The following CTIF variants were observed in gnomAD, a reference collection of about 807,000 sequenced individuals.
CTIF encodes the protein cap binding complex dependent translation initiation factor.
Under a neutral mutation model 66.0 loss-of-function variants are expected in CTIF, and 21 were observed. The ratio of observed to expected loss-of-function variants is 0.32; its 90% CI spans 0.23 to 0.46. CTIF has a LOEUF of 0.46. CTIF is among the 20% of genes least tolerant of loss of function. The pLI, the probability that CTIF is intolerant of heterozygous loss-of-function variation, is 1.00. For missense variants in CTIF, 739 were observed against 812.7 expected, an observed-to-expected ratio of 0.91 and a Z score of 1.10; for synonymous variants, 345 against 326.4, an observed-to-expected ratio of 1.06 and a Z score of -0.62.
At chr18:48,821,275 T>G (rs2146360477) in intron 10 of CTIF, among the ~76,000 whole-genome samples, 1 of 152,368 alleles carries the variant, frequency 6.6e-6, no homozygotes, top group East Asian at 1.9e-4. Flanking sequence ...TCAGTAACGG[T>G]AGCAGCACAT....
intron 2 of CTIF, among the ~76,000 whole-genome samples, chr18:48,630,150 G>A (rs1012859160): frequency 6.6e-6 from 1 of 152,084 alleles, no homozygotes; most frequent in Non-Finnish European, 1.5e-5. Flanking sequence ...GCGTTTCTAG[G>A]CTGTATCCTC....
intron 1 of CTIF, among the ~76,000 whole-genome samples, chr18:48,546,674 G>A: frequency 6.6e-6 from 1 of 152,062 alleles, no homozygotes; most frequent in East Asian, 1.9e-4. Flanking sequence ...AAAGCCCAAG[G>A]GTTTGAGTCG....
At chr18:48,674,125 AG>A (rs2091585446) in intron 6 of CTIF, among the ~76,000 whole-genome samples, 1 of 152,238 alleles carries the variant, frequency 6.6e-6, no homozygotes, top group Non-Finnish European at 1.5e-5. Context: ...TTCATGGACA[AG>A]TGCTCTGCCC....
intron 9 of CTIF, among the ~76,000 whole-genome samples, chr18:48,786,941 C>A (rs966637280): frequency 5.9e-5 from 9 of 152,238 alleles, no homozygotes; most frequent in Non-Finnish European, 1.0e-4. Context: ...CCTCACCCCA[C>A]CATGGCAGTA....
chr18:48,708,023 A>C (rs2092180174), intron 6 of CTIF, among the ~76,000 whole-genome samples: 1 of 152,222 alleles, frequency 6.6e-6, no homozygotes, highest in South Asian at 2.1e-4. Context: ...TTCAAAGTTC[A>C]TTCATGTTGT....
At chr18:48,855,569 G>A (rs1450655439) in intron 10 of CTIF, among the ~76,000 whole-genome samples, 1 of 152,220 alleles carries the variant, frequency 6.6e-6, no homozygotes, top group South Asian at 2.1e-4. Flanking sequence ...CCGTCTCTGC[G>A]TCCAACATCT....
chr18:48,665,000 C>G lies in CTIF; in HGVS notation c.431+449C>G, dbSNP rs1200432855. 4.6e-5 allele frequency among the ~76,000 whole-genome samples: 7 copies of G among 150,954 alleles called. No homozygotes were observed. The South Asian group carries it at 6.4e-4, about 14-fold the overall frequency. On this transcript the variant is annotated intron_variant, in intron 5 of 11. Transcript: ENST00000256413. ...CGCAATCTCGGCTCACTGCAAGCTC[C>G]GCTTCCCGGGTTCACGCCATTCTCC... is the stretch of plus-strand genomic sequence containing the variant.
At chr18:48,738,159 C>T (rs1224879910) in intron 7 of CTIF, among the ~76,000 whole-genome samples, 1 of 152,232 alleles carries the variant, frequency 6.6e-6, no homozygotes, top group Admixed American at 6.5e-5. Flanking sequence ...GCCCTTCTCT[C>T]CACCCGCAGT....
chr18:48,684,445 A>T (rs2091802478), intron 6 of CTIF, among the ~76,000 whole-genome samples: 1 of 151,998 alleles, frequency 6.6e-6, no homozygotes, highest in African/African-American at 2.4e-5. Context: ...ACAGATATCT[A>T]ATCTCTAATA....
At position 48,775,177 on chromosome 18, in the gene CTIF, G is replaced by A. The variant is rs186717812; in HGVS notation, c.1371+13488G>A. Among the ~76,000 whole-genome samples, 372 of 152,242 alleles carry A rather than the reference G, an allele frequency of 2.4e-3. 2 individuals carry two copies. The highest frequency in any genetic ancestry group is 8.6e-3 in the African/African-American group (357 of 41,540). ...GGTTGACTCTGGGTGGATCTCAAGC[G>A]TGGCAGCCCTACACTTACTCTTCTG... On this transcript the variant is annotated intron_variant, in intron 9 of 11. Coordinates refer to ENST00000256413, the MANE Select transcript of CTIF (RefSeq NM_014772.3).
At chr18:48,723,890 G>A (rs1490144050) in intron 7 of CTIF, among the ~76,000 whole-genome samples, 4 of 152,160 alleles carry the variant, frequency 2.6e-5, no homozygotes, top group Admixed American at 2.0e-4. Context: ...ATTTTGGGAG[G>A]CCTTGGTTTC....
intron 2 of CTIF, among the ~76,000 whole-genome samples, chr18:48,626,664 T>G (rs1264907419): frequency 2.2e-5 from 3 of 138,196 alleles, no homozygotes; most frequent in East Asian, 3.9e-4. Context: ...TTGTTTTTTT[T>G]TTTTTTTTGA....
At chr18:48,704,703 C>T (rs771260900) in intron 6 of CTIF, among the ~76,000 whole-genome samples, 5 of 152,182 alleles carry the variant, frequency 3.3e-5, no homozygotes, top group Non-Finnish European at 7.4e-5. Flanking sequence ...TCAGTCATAT[C>T]GGACCGGGGC....
intron 2 of CTIF, among the ~76,000 whole-genome samples, chr18:48,627,170 G>T (rs1326395602): frequency 6.6e-6 from 1 of 152,146 alleles, no homozygotes; most frequent in African/African-American, 2.4e-5. Context: ...TTGTTTGGTG[G>T]TGGTTTTTAG....
intron 1 of CTIF, among the ~76,000 whole-genome samples, chr18:48,599,260 C>T (rs900177653): frequency 6.6e-6 from 1 of 152,106 alleles, no homozygotes; most frequent in African/African-American, 2.4e-5. Flanking sequence ...TGAAAGGACA[C>T]AGACTCCTCA....
chr18:48,734,274 A>G (rs1320499367), intron 7 of CTIF, among the ~76,000 whole-genome samples: 3 of 152,186 alleles, frequency 2.0e-5, no homozygotes, highest in Non-Finnish European at 4.4e-5. Flanking sequence ...AGCTACATTA[A>G]AATTATTTGG....
At chr18:48,626,126 C>T (rs1465110226) in intron 2 of CTIF, among the ~76,000 whole-genome samples, 8 of 151,192 alleles carry the variant, frequency 5.3e-5, no homozygotes, top group Admixed American at 4.0e-4. Flanking sequence ...GTCAGCCTCC[C>T]GAGTAGCTGG....
At chr18:48,766,836 A>G (rs922805) in intron 9 of CTIF, among the ~76,000 whole-genome samples, 100,677 of 151,798 alleles carry the variant, frequency 0.66, 34,038 homozygotes, top group East Asian at 0.8. Flanking sequence ...TCTTCTTGTC[A>G]TCACCCTGAA....
intron 3 of CTIF, among the ~76,000 whole-genome samples, chr18:48,645,056 G>GA (rs2091001884): frequency 6.6e-6 from 1 of 152,094 alleles, no homozygotes; most frequent in Admixed American, 6.5e-5. Flanking sequence ...TCTGCTTCTG[G>GA]AAAATGCAAT....
Sources: allele counts gnomAD v4.1 joint callset (sites outside exome capture counted in the v4.1 genomes callset), GRCh38; gene constraint gnomAD v4.1.1; transcripts MANE v1.5; gene names NCBI Gene and HGNC (gene_info 2026-07-23, HGNC 2026-07-21).